The following NPHP3 variants were observed in gnomAD, a reference collection of about 807,000 sequenced individuals.
The protein encoded by NPHP3 is nephrocystin 3.
NPHP3 carries 123 observed loss-of-function variants against 171.9 expected under a neutral mutation model. That is an observed-to-expected ratio of 0.72 (90% CI 0.62 to 0.83). The LOEUF is 0.83. NPHP3 is among the 40% of genes least tolerant of loss of function. NPHP3 has a pLI of 0.00. For missense variants in NPHP3, 1,506 were observed against 1,591.9 expected (o/e 0.95, Z 0.92); for synonymous variants, 558 against 579.2 (o/e 0.96, Z 0.52).
chr3:132,685,913 T>G (rs1939143786), intron 23 of NPHP3: 1 of 285,110 alleles, frequency 3.5e-6, no homozygotes, highest in African/African-American at 2.2e-5. Flanking sequence ...TAGTCGGGCG[T>G]GGTGGCATGC....
At chr3:132,692,321 T>C (rs1420184750) in intron 17 of NPHP3, among the ~76,000 whole-genome samples, 1 of 152,248 alleles carries the variant, frequency 6.6e-6, no homozygotes, top group Non-Finnish European at 1.5e-5. Context: ...TGTATAATAA[T>C]ACCGCAATTC....
Position 132,708,262 on chromosome 3 carries a change from A to T in NPHP3, c.1119-5T>A, listed in dbSNP as rs1274094093. Reference sequence around the variant, plus strand: ...TCACAGTCTTCCAATAAAAGGCTAGATTGGAAATCAGCATTTTGTGTGCTA... The same window carrying T: ...TCACAGTCTTCCAATAAAAGGCTAGTTTGGAAATCAGCATTTTGTGTGCTA... On this transcript the variant is annotated splice_region_variant and splice_polypyrimidine_tract_variant and intron_variant, in intron 6 of 26. Coordinates refer to ENST00000337331, the MANE Select transcript of NPHP3 (RefSeq NM_153240.5). The T allele has an allele frequency of 6.2e-7, 1 of 1,613,410 alleles. No individual in the cohort carries two copies.
chr3:132,715,096 G>T lies in NPHP3; in HGVS notation c.946C>A (p.Leu316Ile). The T allele has an allele frequency of 6.2e-7, 1 of 1,610,848 alleles. No individual in the cohort carries two copies. The highest frequency in any genetic ancestry group is 1.7e-4 in the Middle Eastern group (1 of 6,046). Residue 316 changes from leucine to isoleucine, a missense_variant, in exon 5 of 27, where the codon CTT becomes ATT. By Grantham distance (5) the Leu-to-Ile change is conservative. Coordinates refer to ENST00000337331, the MANE Select transcript of NPHP3 (RefSeq NM_153240.5). ...ATAAATATCCTCACCTTAAGGAAAAGATCCATCTCAGGCTGGGTTTCATCT... is the reference window on the plus strand; with the variant it reads ...ATAAATATCCTCACCTTAAGGAAAATATCCATCTCAGGCTGGGTTTCATCT... The part of the protein sequence containing the change: ...YTDETQPEMD[L>I]FLKDYSPKLK...
Position 132,685,067 on chromosome 3 carries a change from A to C in NPHP3, c.3330-273T>G, listed in dbSNP as rs554730024. 8.3e-5 allele frequency: 33 copies of C among 399,850 alleles called. 1 individual carries two copies. Among genetic ancestry groups the C allele is most frequent in the South Asian group, 8.2e-4 (32 of 39,026 alleles). The allele number at this position is 399,850 out of a possible 1,614,324, so 24.8% of individuals were successfully genotyped here. A position where few individuals can be genotyped will look rare whatever the true frequency, so the allele number is the denominator to read the frequency against. ...TAGATATTTTCCAAAACAAACTTTT[A>C]TACTTTAAAAATTATTAGACCTAGG... On this transcript the variant is annotated intron_variant, in intron 23 of 26. Coordinates refer to ENST00000337331, the MANE Select transcript of NPHP3 (RefSeq NM_153240.5).
chr3:132,696,863 G>T, intron 14 of NPHP3, 50 bp from the exon 15 acceptor site: 2 of 1,431,606 alleles, frequency 1.4e-6, no homozygotes, highest in Non-Finnish European at 9.8e-7. Flanking sequence ...AAACCACCCT[G>T]GAATTAAGCG....
intron 21 of NPHP3, among the ~76,000 whole-genome samples, chr3:132,688,308 C>CA: frequency 6.6e-6 from 1 of 152,250 alleles, no homozygotes; most frequent in East Asian, 1.9e-4. Context: ...TATATATATG[C>CA]AAATATTCTG....
intron 7 of NPHP3, among the ~76,000 whole-genome samples, chr3:132,707,499 A>C (rs1939786075): frequency 6.6e-6 from 1 of 152,118 alleles, no homozygotes; most frequent in Non-Finnish European, 1.5e-5. Context: ...TCCTGACACT[A>C]ATCCTTGGTC....
At chr3:132,703,542 G>A (rs73002521) in intron 9 of NPHP3, among the ~76,000 whole-genome samples, 6,020 of 150,688 alleles carry the variant, frequency 0.04, 241 homozygotes, top group African/African-American at 0.097. Context: ...AGAACAGAGA[G>A]ACTTACTATT....
intron 23 of NPHP3, 137 bp downstream of exon 23, chr3:132,686,123 T>G: frequency 1.2e-6 from 1 of 835,016 alleles, no homozygotes; most frequent in Non-Finnish European, 2.0e-6. Context: ...GTATGCTCAT[T>G]ATATAACATC....
Position 132,681,744 on chromosome 3 carries a change from C to A in NPHP3, c.*166G>T. The A allele has an allele frequency of 1.5e-6, 1 of 670,880 alleles. No homozygotes were observed. Among genetic ancestry groups the A allele is most frequent in the South Asian group, 1.8e-5 (1 of 56,800 alleles). The allele number at this position is 670,880 out of a possible 1,614,324, so 41.6% of individuals were successfully genotyped here. A position where few individuals can be genotyped will look rare whatever the true frequency, so the allele number is the denominator to read the frequency against. ...TTTAAACAACTAAAACAGACATAATCACAATTCCAACTTAATGTAATCCAA... is the reference window on the plus strand; with the variant it reads ...TTTAAACAACTAAAACAGACATAATAACAATTCCAACTTAATGTAATCCAA... On this transcript the variant is annotated 3_prime_UTR_variant, in exon 27 of 27. Transcript: ENST00000337331.
At chr3:132,710,212 GAGA>G (rs1289103120) in intron 6 of NPHP3, among the ~76,000 whole-genome samples, 3 of 152,148 alleles carry the variant, frequency 2.0e-5, no homozygotes, top group Non-Finnish European at 4.4e-5. Flanking sequence ...GGAGCTGCAA[GAGA>G]AGATGTAGCT....
At chr3:132,720,129 G>A (rs1337702935) in intron 1 of NPHP3, among the ~76,000 whole-genome samples, 1 of 152,146 alleles carries the variant, frequency 6.6e-6, no homozygotes, top group African/African-American at 2.4e-5. Context: ...TTCCATCTTT[G>A]TGATAGTAAA....
intron 6 of NPHP3, chr3:132,712,543 G>T: frequency 2.2e-6 from 1 of 450,534 alleles, no homozygotes; most frequent in Non-Finnish European, 4.4e-6. Flanking sequence ...AAGGCAGGGG[G>T]ATCACAAGGT....
At chr3:132,707,249 TA>T (rs1196073021) in intron 7 of NPHP3, among the ~76,000 whole-genome samples, 1 of 152,146 alleles carries the variant, frequency 6.6e-6, no homozygotes, top group Non-Finnish European at 1.5e-5. Flanking sequence ...AAAGTCACTA[TA>T]AAAAGTCTCC....
chr3:132,701,895 G>A (rs138943495), intron 9 of NPHP3, among the ~76,000 whole-genome samples: 2,295 of 152,172 alleles, frequency 0.015, 57 homozygotes, highest in African/African-American at 0.052. Context: ...GCGTGGTGGC[G>A]GGCGCCTGTA....
At position 132,699,982 on chromosome 3, in the gene NPHP3, T is replaced by C. The variant is rs1186563059; in HGVS notation, c.1823A>G (p.Glu608Gly). The change falls in exon 12 of 27, where the codon GAA (glutamate) becomes GGA (glycine). Residue 608 changes from glutamate (E) to glycine (G), a missense_variant. Physicochemically the swap from Glu to Gly is moderately conservative, Grantham distance 98 (BLOSUM62 -2). This residue lies in a region of NPHP3 where 930 missense variants were observed against 924.9 expected (regional missense o/e 1.01). Coordinates refer to ENST00000337331, the MANE Select transcript of NPHP3 (RefSeq NM_153240.5). Reference sequence around the variant, plus strand: ...GCCTTGATGACGAGCAGAGAGTTTTTCCAGCCAACGTGGAAATTCTTCCAG... The same window carrying C: ...GCCTTGATGACGAGCAGAGAGTTTTCCCAGCCAACGTGGAAATTCTTCCAG... ...KLLEEFPRWLEKLSARHQGSI... is the reference protein window; with the variant it reads ...KLLEEFPRWLGKLSARHQGSI... 1 of 1,614,056 alleles carries C rather than the reference T, an allele frequency of 6.2e-7. No homozygotes were observed. The highest frequency in any genetic ancestry group is 8.5e-7 in the Non-Finnish European group (1 of 1,180,034).
Position 132,691,259 on chromosome 3 carries a change from G to C in NPHP3, c.2503C>G (p.Leu835Val). Residue 835 changes from leucine to valine, a missense_variant, in exon 18 of 27, where the codon CTG becomes GTG. Coordinates refer to ENST00000337331, the MANE Select transcript of NPHP3 (RefSeq NM_153240.5). The stretch of plus-strand genomic sequence containing the variant: ...GAAGAAGTAACAGTGGGGCCTTCCA[G>C]GTACTCCAATCTCACTGTTTCCCAA... ...QAWETVRLEY[L>V]EGPTVTSSYR... 2 of 1,613,100 alleles carry C rather than the reference G, an allele frequency of 1.2e-6. No homozygotes were observed. The highest frequency in any genetic ancestry group is 1.7e-6 in the Non-Finnish European group (2 of 1,179,256).
chr3:132,681,737 A>T lies in NPHP3; in HGVS notation c.*173T>A, dbSNP rs1939035783. 1 of 652,886 alleles carries T rather than the reference A, an allele frequency of 1.5e-6. No individual in the cohort carries two copies. The highest frequency in any genetic ancestry group is 2.7e-6 in the Non-Finnish European group (1 of 367,944). 40.4% of individuals were successfully genotyped at this position (652,886 alleles called of 1,614,324 possible). ...AAATTCTTTTAAACAACTAAAACAG[A>T]CATAATCACAATTCCAACTTAATGT... On this transcript the variant is annotated 3_prime_UTR_variant, in exon 27 of 27. Transcript: ENST00000337331.
At chr3:132,711,095 T>C (rs779082355) in intron 6 of NPHP3, among the ~76,000 whole-genome samples, 28 of 152,328 alleles carry the variant, frequency 1.8e-4, no homozygotes, top group Non-Finnish European at 3.8e-4. Context: ...TGTTTCCCCA[T>C]GGAGCTTCCA....
Sources: gnomAD v4.1 joint callset for allele counts (sites outside exome capture counted in the v4.1 genomes callset) on GRCh38, gnomAD v4.1.1 for gene constraint, gnomAD v4.1.1 regional missense constraint, MANE v1.5 for transcripts, NCBI Gene and HGNC (gene_info 2026-07-23, HGNC 2026-07-21) for gene names.